Variants in RANBP17 observed in about 807,000 individuals in gnomAD.
RANBP17 encodes ran-binding protein 17.
RANBP17 carries 158 observed loss-of-function variants against 141.2 expected under a neutral mutation model. The ratio of observed to expected loss-of-function variants is 1.12; its 90% CI spans 0.98 to 1.28. The LOEUF (loss-of-function observed/expected upper bound fraction) is 1.28. Ranked by LOEUF, RANBP17 falls within the 50% of genes most tolerant of loss-of-function variation. RANBP17 has a pLI of 0.00. For synonymous variants in RANBP17, 430 were observed against 450.0 expected, an observed-to-expected ratio of 0.96 and a Z score of 0.56; for missense variants, 1,438 against 1,290.7, an observed-to-expected ratio of 1.11 and a Z score of -1.75.
chr5:171,006,512 T>C (rs1050642323), intron 14 of RANBP17, among the ~76,000 whole-genome samples: 2 of 151,802 alleles, frequency 1.3e-5, no homozygotes, highest in African/African-American at 2.4e-5. Flanking sequence ...AACCAAACAC[T>C]CCACGTTCTC....
intron 14 of RANBP17, among the ~76,000 whole-genome samples, chr5:170,996,351 T>G (rs1778815649): frequency 6.6e-6 from 1 of 152,198 alleles, no homozygotes; most frequent in Non-Finnish European, 1.5e-5. Flanking sequence ...AATGGAAATT[T>G]GACTTGGAGT....
At chr5:170,974,728 A>G (rs1284206096) in intron 14 of RANBP17, among the ~76,000 whole-genome samples, 1 of 152,126 alleles carries the variant, frequency 6.6e-6, no homozygotes, top group East Asian at 1.9e-4. Context: ...AAGCTGGAGG[A>G]AGTGGTACTG....
chr5:170,929,206 A>G (rs1773152068), intron 12 of RANBP17, among the ~76,000 whole-genome samples: 1 of 152,194 alleles, frequency 6.6e-6, no homozygotes, highest in South Asian at 2.1e-4. Context: ...TCATCTTTCC[A>G]GTCTCCATGC....
At chr5:171,040,273 C>A (rs922513804) in intron 14 of RANBP17, among the ~76,000 whole-genome samples, 2 of 152,066 alleles carry the variant, frequency 1.3e-5, no homozygotes, top group Non-Finnish European at 2.9e-5. Flanking sequence ...ACCATATAAT[C>A]ATTTCAATAG....
intron 14 of RANBP17, among the ~76,000 whole-genome samples, chr5:171,031,154 A>G (rs1039817387): frequency 6.6e-6 from 1 of 152,032 alleles, no homozygotes; most frequent in East Asian, 1.9e-4. Context: ...AATCATCTAC[A>G]CAAAGATTTA....
chr5:171,084,007 T>A (rs1444319697), intron 14 of RANBP17, among the ~76,000 whole-genome samples: 1 of 150,364 alleles, frequency 6.7e-6, no homozygotes, highest in Admixed American at 6.6e-5. Flanking sequence ...CATGTGCACA[T>A]TGTGCAGGTT....
chr5:170,972,282 A>G lies in RANBP17; in HGVS notation c.1710+3905A>G, dbSNP rs185816518. On this transcript the variant is annotated intron_variant, in intron 14 of 27. Coordinates refer to ENST00000523189, the MANE Select transcript of RANBP17 (RefSeq NM_022897.5). ...CTGCAACCTCCGCTTCCCAGGTTCA[A>G]GTGATTTTCCTGCCTCAGCCTCCCA... is the stretch of plus-strand genomic sequence containing the variant. 4.7e-3 allele frequency among the ~76,000 whole-genome samples: 714 copies of G among 150,514 alleles called. 4 individuals are homozygous for G. The highest frequency in any genetic ancestry group is 0.017 in the African/African-American group (692 of 40,844).
intron 14 of RANBP17, among the ~76,000 whole-genome samples, chr5:171,071,012 A>G (rs1164548490): frequency 1.3e-5 from 2 of 152,148 alleles, no homozygotes; most frequent in African/African-American, 4.8e-5. Context: ...TATATGTGCC[A>G]GAAATTCCTA....
rs1768790297 is a variant in RANBP17 at position 171,295,952 on chromosome 5, C to G, written c.3108C>G (p.Ala1036=). 1 of 1,613,784 alleles carries G rather than the reference C, an allele frequency of 6.2e-7. No homozygotes were observed. Residue 1036 remains alanine (A), a synonymous_variant, in exon 27 of 28, where the codon GCC becomes GCG. Coordinates refer to ENST00000523189, the MANE Select transcript of RANBP17 (RefSeq NM_022897.5). ...SQPLPKQEVL[A]QCFRNLMEGV... ...CCCTCCCCAAGCAGGAGGTCCTTGC[C>G]CAGTGCTTCAGAAACCTAATGGAAG...
intron 25 of RANBP17, among the ~76,000 whole-genome samples, chr5:171,288,374 G>T (rs1386514628): frequency 6.6e-6 from 1 of 152,216 alleles, no homozygotes; most frequent in African/African-American, 2.4e-5. Context: ...GTGGAAGAAT[G>T]AGCCATGGCC....
At chr5:171,200,429 C>G (rs1416183616) in intron 19 of RANBP17, among the ~76,000 whole-genome samples, 1 of 152,164 alleles carries the variant, frequency 6.6e-6, no homozygotes, top group Non-Finnish European at 1.5e-5. Context: ...AGCAAGCTGT[C>G]TGTGACAAAA....
intron 2 of RANBP17, among the ~76,000 whole-genome samples, chr5:170,880,322 C>T (rs1768552013): frequency 6.6e-6 from 1 of 152,174 alleles, no homozygotes; most frequent in Non-Finnish European, 1.5e-5. Flanking sequence ...AATCATTTGT[C>T]TTGTTTTCAA....
chr5:171,176,514 C>T (rs1054241398), intron 16 of RANBP17, among the ~76,000 whole-genome samples: 2 of 152,162 alleles, frequency 1.3e-5, no homozygotes, highest in Non-Finnish European at 2.9e-5. Context: ...ACCCTGCCCT[C>T]GTGGATTTTA....
At chr5:171,076,888 A>G (rs906857642) in intron 14 of RANBP17, among the ~76,000 whole-genome samples, 1 of 152,226 alleles carries the variant, frequency 6.6e-6, no homozygotes, top group Non-Finnish European at 1.5e-5. Flanking sequence ...GAGGTAAGCA[A>G]GTAATTGAGT....
At chr5:170,870,430 T>C (rs1183637736) in intron 1 of RANBP17, among the ~76,000 whole-genome samples, 1 of 151,854 alleles carries the variant, frequency 6.6e-6, no homozygotes, top group Non-Finnish European at 1.5e-5. Flanking sequence ...CCATGTGTCT[T>C]CATTGTTTGG....
chr5:171,221,559 T>A (rs1180668831), intron 21 of RANBP17, among the ~76,000 whole-genome samples, 199 bp from the exon 22 acceptor site: 2 of 152,298 alleles, frequency 1.3e-5, no homozygotes, highest in Admixed American at 6.5e-5. Context: ...TGAAAATAAT[T>A]CTTCTTAATT....
At chr5:170,883,670 T>A (rs1038168690) in intron 3 of RANBP17, among the ~76,000 whole-genome samples, 1 of 152,142 alleles carries the variant, frequency 6.6e-6, no homozygotes, top group African/African-American at 2.4e-5. Context: ...GAATATGATA[T>A]AGTTGGAATC....
chr5:170,893,785 T>TC (rs1336249383), intron 4 of RANBP17, among the ~76,000 whole-genome samples: 1 of 146,390 alleles, frequency 6.8e-6, no homozygotes, highest in Non-Finnish European at 1.5e-5. Context: ...AGAGCAAGAC[T>TC]CCGTCTCAAA....
At chr5:171,178,397 C>T (rs1233312178) in intron 16 of RANBP17, among the ~76,000 whole-genome samples, 1 of 152,030 alleles carries the variant, frequency 6.6e-6, no homozygotes, top group Non-Finnish European at 1.5e-5. Context: ...TATATGTGCA[C>T]ATTTTCTTTA....
Sources: allele counts gnomAD v4.1 joint callset (sites outside exome capture counted in the v4.1 genomes callset), GRCh38; gene constraint gnomAD v4.1.1; transcripts MANE v1.5; gene names NCBI Gene and HGNC (gene_info 2026-07-23, HGNC 2026-07-21).